TBL1X: variants seen among roughly 807,000 people sequenced by gnomAD.
The protein encoded by TBL1X is transducin beta like 1 X-linked.
Under a neutral mutation model 50.7 loss-of-function variants are expected in TBL1X, and 10 were observed. That is an observed-to-expected ratio of 0.20 (90% CI 0.12 to 0.33). The LOEUF (loss-of-function observed/expected upper bound fraction) is 0.33, where lower values mean the gene tolerates loss of function less well. TBL1X is among the 10% of genes least tolerant of loss of function. The pLI, the probability that TBL1X is intolerant of heterozygous loss-of-function variation, is 1.00. For synonymous variants in TBL1X, 190 were observed against 214.7 expected, an observed-to-expected ratio of 0.88 and a Z score of 1.01; for missense variants, 340 against 504.4, an observed-to-expected ratio of 0.67 and a Z score of 3.12.
intron 2 of TBL1X, among the ~76,000 whole-genome samples, chrX:9,626,504 T>A (rs1229780282): frequency 8.9e-6 from 1 of 111,882 alleles, no homozygotes; most frequent in Non-Finnish European, 1.9e-5. Context: ...TTTACAGAGG[T>A]CAGTAGTACC....
rs373925446 is a variant in TBL1X, at chrX:9,512,487, T to C, written c.-131+10638T>C. 2.9e-5 allele frequency among the ~76,000 whole-genome samples: 3 copies of C among 102,887 alleles called. No individual in the cohort carries two copies. The South Asian group carries it at 1.3e-3, about 43-fold the overall frequency. The allele number at this position is 102,887 out of a possible 115,157, so 89.3% of individuals were successfully genotyped here. On this transcript the variant is annotated intron_variant, in intron 2 of 17. Coordinates refer to ENST00000645353, the MANE Select transcript of TBL1X (RefSeq NM_005647.4). Reference sequence around the variant, plus strand: ...ATTGCTCTTGTGGGCTTTCAGACTTTCTCTATGTACGTTTTTTTGTTTTTT... The same window carrying C: ...ATTGCTCTTGTGGGCTTTCAGACTTCCTCTATGTACGTTTTTTTGTTTTTT...
chrX:9,697,632 G>A (rs976100321), intron 12 of TBL1X, among the ~76,000 whole-genome samples: 2 of 111,858 alleles, frequency 1.8e-5, no homozygotes, highest in Non-Finnish European at 1.9e-5. Flanking sequence ...CTAGCCAGGC[G>A]TGGTGGTCCA....
chrX:9,576,711 A>G (rs1188763953), intron 2 of TBL1X, among the ~76,000 whole-genome samples: 1 of 107,709 alleles, frequency 9.3e-6, no homozygotes, highest in Non-Finnish European at 1.9e-5. Context: ...AAAAAAAAAA[A>G]AAAAACATCG....
intron 13 of TBL1X, 108 bp from the exon 14 acceptor site, chrX:9,709,140 C>A: frequency 1.3e-6 from 1 of 762,512 alleles, no homozygotes; most frequent in Non-Finnish European, 1.9e-6. Context: ...AGGCTGAAGC[C>A]GAAGACCTTC....
At chrX:9,668,086 G>A (rs916276044) in intron 5 of TBL1X, among the ~76,000 whole-genome samples, 4 of 111,954 alleles carry the variant, frequency 3.6e-5, no homozygotes, top group Non-Finnish European at 7.5e-5. Context: ...TATGTTATTA[G>A]TATGTGTTAC....
intron 5 of TBL1X, among the ~76,000 whole-genome samples, chrX:9,668,119 A>G (rs948963535): frequency 2.7e-5 from 3 of 111,858 alleles, no homozygotes; most frequent in Admixed American, 9.5e-5. Flanking sequence ...GATTCCTATA[A>G]TTCTGATGTT....
intron 1 of TBL1X, among the ~76,000 whole-genome samples, chrX:9,499,634 G>A (rs762446985): frequency 1.8e-5 from 2 of 112,395 alleles, no homozygotes; most frequent in South Asian, 3.7e-4. Flanking sequence ...CAGAAAGAAC[G>A]CATGGTCATC....
chrX:9,557,320 G>A (rs914921003), intron 2 of TBL1X, among the ~76,000 whole-genome samples: 1 of 112,486 alleles, frequency 8.9e-6, no homozygotes, highest in Non-Finnish European at 1.9e-5. Context: ...CGAATGACGA[G>A]ATGAGATCAG....
intron 8 of TBL1X, 152 bp downstream of exon 8, chrX:9,691,863 A>G (rs1397156464): frequency 8.1e-6 from 7 of 868,632 alleles, no homozygotes; most frequent in East Asian, 3.3e-5. Context: ...TCTATGAGCC[A>G]CTTCTCTACA....
intron 2 of TBL1X, among the ~76,000 whole-genome samples, chrX:9,569,022 TTGTG>T (rs750517021): frequency 4.5e-4 from 43 of 95,983 alleles, no homozygotes; most frequent in Admixed American, 1.6e-3. Flanking sequence ...AGTGTGCTCT[TTGTG>T]TGTGTGTGGT....
intron 13 of TBL1X, 23 bp from the exon 14 acceptor site, chrX:9,709,225 C>A: frequency 8.3e-7 from 1 of 1,205,938 alleles, no homozygotes; most frequent in Non-Finnish European, 1.1e-6. Context: ...ATGTCTTTTT[C>A]ACACTCTTCT....
chrX:9,621,677 A>G (rs1313471030), intron 2 of TBL1X, among the ~76,000 whole-genome samples: 1 of 112,366 alleles, frequency 8.9e-6, no homozygotes, highest in Admixed American at 9.5e-5. Flanking sequence ...GTATAACAGC[A>G]TCATTTGTTA....
intron 5 of TBL1X, among the ~76,000 whole-genome samples, chrX:9,679,036 T>A (rs2083010402): frequency 9.1e-6 from 1 of 109,808 alleles, no homozygotes. Flanking sequence ...TACTCTTTTT[T>A]TTCTCCCTGG....
At chrX:9,492,680 G>T (rs978044957) in intron 1 of TBL1X, among the ~76,000 whole-genome samples, 5 of 111,335 alleles carry the variant, frequency 4.5e-5, no homozygotes, top group African/African-American at 9.8e-5. Context: ...TGTGCCAGAG[G>T]CCTTGAGCTA....
chrX:9,708,645 G>A (rs2083224782), intron 13 of TBL1X, among the ~76,000 whole-genome samples: 1 of 106,832 alleles, frequency 9.4e-6, no homozygotes, highest in Non-Finnish European at 1.9e-5. Flanking sequence ...ACTTTGGGAG[G>A]TCGAGGTGGG....
intron 2 of TBL1X, among the ~76,000 whole-genome samples, chrX:9,559,330 CT>C (rs2082314421): frequency 9.0e-6 from 1 of 111,462 alleles, no homozygotes; most frequent in South Asian, 3.7e-4. Flanking sequence ...TTTTTCTCTT[CT>C]TTTCCTGGGT....
At chrX:9,638,107 G>A (rs1468810971) in intron 2 of TBL1X, among the ~76,000 whole-genome samples, 1 of 111,267 alleles carries the variant, frequency 9.0e-6, no homozygotes, top group Non-Finnish European at 1.9e-5. Flanking sequence ...ATGCTGTGTT[G>A]TGTCAGCTTA....
intron 2 of TBL1X, among the ~76,000 whole-genome samples, chrX:9,618,293 C>T (rs1258974921): frequency 9.0e-6 from 1 of 111,562 alleles, no homozygotes. Context: ...CTTGACTTCA[C>T]GGCCTGGAGG....
intron 2 of TBL1X, among the ~76,000 whole-genome samples, chrX:9,625,105 C>T (rs1261114473): frequency 2.7e-5 from 3 of 112,137 alleles, no homozygotes; most frequent in African/African-American, 9.7e-5. Context: ...TCAAATTTAT[C>T]CTTTTGGGAG....
Sources: gnomAD v4.1 joint callset for allele counts (sites outside exome capture counted in the v4.1 genomes callset) on GRCh38, gnomAD v4.1.1 for gene constraint, MANE v1.5 for transcripts, NCBI Gene and HGNC (gene_info 2026-07-23, HGNC 2026-07-21) for gene names.